CDK6: variants seen among roughly 807,000 people sequenced by gnomAD.
The protein encoded by CDK6 is cyclin dependent kinase 6.
In CDK6, 6 loss-of-function variants were observed where a neutral mutation model predicts 37.1. The observed-to-expected ratio is 0.16, with a 90% confidence interval of 0.09 to 0.32. The LOEUF is 0.32. Among genes scored for constraint, CDK6 ranks in the 10% least tolerant of loss-of-function variants. The pLI is 1.00. For synonymous variants in CDK6, 160 were observed against 161.3 expected (o/e 0.99, Z 0.06); for missense variants, 224 against 418.9 (o/e 0.53, Z 4.06).
At chr7:92,646,396 T>C (rs561196612) in intron 5 of CDK6, among the ~76,000 whole-genome samples, 6 of 150,716 alleles carry the variant, frequency 4.0e-5, no homozygotes, top group African/African-American at 1.5e-4. Context: ...TTTTTCTTTT[T>C]CTTTTTCTTT....
chr7:92,768,158 T>C (rs1799628310), intron 3 of CDK6, among the ~76,000 whole-genome samples: 1 of 151,890 alleles, frequency 6.6e-6, no homozygotes, highest in African/African-American at 2.4e-5. Flanking sequence ...ATGCTGAAGG[T>C]GGGAGGCTGA....
At chr7:92,652,598 T>C (rs551644761) in intron 5 of CDK6, among the ~76,000 whole-genome samples, 3 of 152,334 alleles carry the variant, frequency 2.0e-5, no homozygotes, top group African/African-American at 7.2e-5. Flanking sequence ...TAAGAACTAA[T>C]AATTCATAAT....
intron 2 of CDK6, among the ~76,000 whole-genome samples, chr7:92,784,151 G>A (rs1405600563): frequency 6.6e-6 from 1 of 152,114 alleles, no homozygotes; most frequent in Non-Finnish European, 1.5e-5. Context: ...TTGCAGGGAA[G>A]AGAATGGTAG....
chr7:92,799,566 G>A (rs924251397), intron 2 of CDK6, among the ~76,000 whole-genome samples: 2 of 149,790 alleles, frequency 1.3e-5, no homozygotes, highest in African/African-American at 4.9e-5. Flanking sequence ...GGTCCTATTT[G>A]CCAGTGACCC....
At chr7:92,683,583 C>G (rs138402892) in intron 4 of CDK6, among the ~76,000 whole-genome samples, 122 of 152,324 alleles carry the variant, frequency 8.0e-4, no homozygotes, top group African/African-American at 2.6e-3. Flanking sequence ...GCAGTACGCT[C>G]TCCTCCTCAA....
rs569281277 is a variant in CDK6, at chr7:92,609,023, T to C, written c.*6117A>G. Reference sequence around the variant, plus strand: ...CATAGGGGCTTTAACTGGACTCTAGTTCCTGGGAGCAGAGGGGCGAATGAG... The same window carrying C: ...CATAGGGGCTTTAACTGGACTCTAGCTCCTGGGAGCAGAGGGGCGAATGAG... On this transcript the variant is annotated 3_prime_UTR_variant, in exon 8 of 8. Coordinates refer to ENST00000424848, the MANE Select transcript of CDK6 (RefSeq NM_001145306.2). 1.2e-4 allele frequency: 29 copies of C among 233,446 alleles called. No homozygotes were observed. In the Admixed American group the frequency reaches 1.6e-3, roughly 13 times the overall value. The allele number at this position is 233,446 out of a possible 1,614,324, so 14.5% of individuals were successfully genotyped here. A position where few individuals can be genotyped will look rare whatever the true frequency, so the allele number is the denominator to read the frequency against.
At chr7:92,741,442 A>G (rs1798924145) in intron 3 of CDK6, among the ~76,000 whole-genome samples, 2 of 152,216 alleles carry the variant, frequency 1.3e-5, no homozygotes, top group African/African-American at 4.8e-5. Context: ...TCGAAATTCA[A>G]GTTTAACTGA....
chr7:92,765,170 TA>T (rs1031470034), intron 3 of CDK6, among the ~76,000 whole-genome samples: 1 of 152,172 alleles, frequency 6.6e-6, no homozygotes, highest in Non-Finnish European at 1.5e-5. Context: ...ACTACAAAAT[TA>T]TTTTTTAGAT....
At chr7:92,651,245 A>G (rs1725016409) in intron 5 of CDK6, among the ~76,000 whole-genome samples, 2 of 152,200 alleles carry the variant, frequency 1.3e-5, no homozygotes, top group African/African-American at 4.8e-5. Context: ...GATAATCCAG[A>G]ATAATCTCCC....
intron 2 of CDK6, among the ~76,000 whole-genome samples, 178 bp downstream of exon 2, chr7:92,832,913 G>A (rs1370609589): frequency 4.6e-5 from 7 of 152,138 alleles, no homozygotes; most frequent in Admixed American, 4.6e-4. Flanking sequence ...CAAGGTCACC[G>A]GCTCTGGCTC....
At chr7:92,750,493 G>C (rs1799163992) in intron 3 of CDK6, among the ~76,000 whole-genome samples, 1 of 152,162 alleles carries the variant, frequency 6.6e-6, no homozygotes, top group Admixed American at 6.5e-5. Context: ...AGCTTCTCAA[G>C]ATTTCAATTT....
intron 3 of CDK6, among the ~76,000 whole-genome samples, chr7:92,762,296 A>G (rs535925113): frequency 1.3e-5 from 2 of 152,212 alleles, no homozygotes; most frequent in South Asian, 4.2e-4. Context: ...CATTCAACCA[A>G]TTCTCTTCCT....
At chr7:92,740,310 G>A (rs529007257) in intron 3 of CDK6, among the ~76,000 whole-genome samples, 104 of 152,124 alleles carry the variant, frequency 6.8e-4, no homozygotes, top group African/African-American at 2.5e-3. Flanking sequence ...CCTATCCCCC[G>A]ATATACACAC....
chr7:92,738,022 G>A (rs978595597), intron 3 of CDK6, among the ~76,000 whole-genome samples: 1 of 152,114 alleles, frequency 6.6e-6, no homozygotes, highest in Non-Finnish European at 1.5e-5. Context: ...CTGCTTATGG[G>A]GACTCCATAG....
In CDK6 at chr7:92,614,702, C is replaced by T. The variant is rs865994504; in HGVS notation, c.*438G>A. 5.6e-6 allele frequency: 1 copy of T among 179,634 alleles called. No individual in the cohort carries two copies. The highest frequency in any genetic ancestry group is 1.0e-5 in the Non-Finnish European group (1 of 95,692). 11.1% of individuals were successfully genotyped at this position (179,634 alleles called of 1,614,324 possible). Reference sequence around the variant, plus strand: ...GATCACAGAATCTCTCACATACACACACACACACACACACACACACACACA... The same window carrying T: ...GATCACAGAATCTCTCACATACACATACACACACACACACACACACACACA... On this transcript the variant is annotated 3_prime_UTR_variant, in exon 8 of 8. Transcript: ENST00000424848.
chr7:92,749,295 C>A (rs1326520496), intron 3 of CDK6, among the ~76,000 whole-genome samples: 1 of 151,314 alleles, frequency 6.6e-6, no homozygotes, highest in Non-Finnish European at 1.5e-5. Context: ...GGCAACATAG[C>A]GAGACCCTGT....
At chr7:92,643,121 A>G (rs1170580538) in intron 5 of CDK6, among the ~76,000 whole-genome samples, 1 of 152,202 alleles carries the variant, frequency 6.6e-6, no homozygotes, top group Non-Finnish European at 1.5e-5. Context: ...TCCTGGACTC[A>G]AGTGATCTGC....
In CDK6 at chr7:92,833,479, C is replaced by T; in HGVS notation, c.-156G>A. Reference sequence around the variant, plus strand: ...TCAGGCGCTCGGGCGCTGGGGCTTTCGCCGCTGCAGAAGCTGGATGGAGAG... The same window carrying T: ...TCAGGCGCTCGGGCGCTGGGGCTTTTGCCGCTGCAGAAGCTGGATGGAGAG... On this transcript the variant is annotated 5_prime_UTR_variant, in exon 2 of 8. Transcript: ENST00000424848. The surrounding 1 kb of genome is among the most constrained non-coding windows in gnomAD (Gnocchi z 6.1). The T allele has an allele frequency of 1.7e-6, 1 of 582,466 alleles. No homozygotes were observed. Among genetic ancestry groups the T allele is most frequent in the Non-Finnish European group, 2.9e-6 (1 of 339,408 alleles). 36.1% of individuals were successfully genotyped at this position (582,466 alleles called of 1,614,324 possible).
intron 4 of CDK6, among the ~76,000 whole-genome samples, chr7:92,696,779 G>T (rs745629305): frequency 9.2e-5 from 14 of 152,146 alleles, no homozygotes; most frequent in Non-Finnish European, 1.9e-4. Flanking sequence ...CTGGGGTCAT[G>T]AATTGTGCAA....
Sources: allele counts gnomAD v4.1 joint callset (sites outside exome capture counted in the v4.1 genomes callset), GRCh38; gene constraint gnomAD v4.1.1; non-coding constraint Gnocchi (gnomAD v3.1); transcripts MANE v1.5; gene names NCBI Gene and HGNC (gene_info 2026-07-23, HGNC 2026-07-21).